ZBTB20: variants seen among roughly 807,000 people sequenced by gnomAD.
The protein encoded by ZBTB20 is zinc finger and BTB domain containing 20.
ZBTB20 carries 9 observed loss-of-function variants against 56.9 expected under a neutral mutation model. The observed-to-expected ratio is 0.16, with a 90% CI of 0.10 to 0.28. ZBTB20 has a LOEUF of 0.28. Ranked by LOEUF, ZBTB20 falls within the 10% of genes least tolerant of loss-of-function variation. ZBTB20 has a pLI of 1.00. For synonymous variants in ZBTB20, 417 were observed against 420.7 expected (o/e 0.99, Z 0.11); for missense variants, 655 against 1,003.0 (o/e 0.65, Z 4.69).
At chr3:114,808,549 T>C (rs2072286573) in intron 4 of ZBTB20, among the ~76,000 whole-genome samples, 1 of 151,972 alleles carries the variant, frequency 6.6e-6, no homozygotes, top group African/African-American at 2.4e-5. Flanking sequence ...ATTTTGGTAA[T>C]CTGTCATCTT....
intron 4 of ZBTB20, among the ~76,000 whole-genome samples, chr3:114,826,624 T>G (rs1269105526): frequency 1.3e-5 from 2 of 151,710 alleles, no homozygotes; most frequent in African/African-American, 4.8e-5. Context: ...TCCCTCCACT[T>G]TTTTTCAGTG....
chr3:114,998,357 G>T (rs768730977), intron 2 of ZBTB20, among the ~76,000 whole-genome samples: 3 of 151,718 alleles, frequency 2.0e-5, no homozygotes, highest in Non-Finnish European at 4.4e-5. Flanking sequence ...CATCACAAAA[G>T]AATTTGTGAC....
At chr3:114,977,462 T>C (rs930540082) in intron 2 of ZBTB20, among the ~76,000 whole-genome samples, 3 of 152,066 alleles carry the variant, frequency 2.0e-5, no homozygotes, top group African/African-American at 7.2e-5. Flanking sequence ...AAGAGTTAAA[T>C]ATAAGTGACA....
chr3:114,790,875 T>C (rs1371864984), intron 5 of ZBTB20, among the ~76,000 whole-genome samples: 1 of 152,008 alleles, frequency 6.6e-6, no homozygotes, highest in Non-Finnish European at 1.5e-5. Flanking sequence ...CACTAGCAAT[T>C]CATTCTTCAT....
chr3:115,014,418 T>C (rs899387972), intron 2 of ZBTB20, among the ~76,000 whole-genome samples: 2 of 151,784 alleles, frequency 1.3e-5, no homozygotes, highest in African/African-American at 2.4e-5. Context: ...AAGTGTACAA[T>C]TGGATTGTTT....
Position 114,533,395 on chromosome 3 carries a change from A to AT in ZBTB20, c.-294-33005dup, listed in dbSNP as rs532569879. 9.7e-3 allele frequency among the ~76,000 whole-genome samples: 1,482 copies of AT among 152,050 alleles called. 21 individuals carry two copies. Among genetic ancestry groups the AT allele is most frequent in the African/African-American group, 0.033 (1,373 of 41,500 alleles). On this transcript the variant is annotated intron_variant, in intron 6 of 11. Coordinates refer to ENST00000675478, the MANE Select transcript of ZBTB20 (RefSeq NM_001348800.3). The stretch of plus-strand genomic sequence containing the variant: ...TCAAGCAGAAGAAAGGATATCAGAG[A>AT]TGAAGATCAACTTAATGAAATAAAG...
intron 4 of ZBTB20, among the ~76,000 whole-genome samples, chr3:114,812,810 C>G (rs1012352131): frequency 3.3e-5 from 5 of 152,230 alleles, no homozygotes; most frequent in African/African-American, 1.2e-4. Flanking sequence ...GAGGCTCAGG[C>G]ATGGCGGGCT....
chr3:114,358,528 T>C (rs2081477333), intron 10 of ZBTB20, among the ~76,000 whole-genome samples: 1 of 152,214 alleles, frequency 6.6e-6, no homozygotes, highest in Non-Finnish European at 1.5e-5. Flanking sequence ...AAAAGTCTTT[T>C]TACTTGGCCT....
chr3:114,890,967 A>C (rs376201241), intron 4 of ZBTB20, among the ~76,000 whole-genome samples: 5 of 151,878 alleles, frequency 3.3e-5, no homozygotes, highest in South Asian at 4.2e-4. Flanking sequence ...CTATTTCCTT[A>C]TGTCCTATGC....
chr3:114,349,509 C>A (rs1378111764), intron 11 of ZBTB20, among the ~76,000 whole-genome samples: 2 of 152,214 alleles, frequency 1.3e-5, no homozygotes, highest in Non-Finnish European at 2.9e-5. Flanking sequence ...CATCCATTCT[C>A]TCCTTGAATG....
At chr3:114,650,894 G>A (rs1015074644) in intron 6 of ZBTB20, among the ~76,000 whole-genome samples, 6 of 151,780 alleles carry the variant, frequency 4.0e-5, no homozygotes, top group Non-Finnish European at 5.9e-5. Flanking sequence ...GTAGAACTTC[G>A]GATGCATCAT....
intron 6 of ZBTB20, among the ~76,000 whole-genome samples, chr3:114,640,557 G>A (rs1222100558): frequency 6.6e-6 from 1 of 152,018 alleles, no homozygotes; most frequent in Non-Finnish European, 1.5e-5. Context: ...GTCTACTCAG[G>A]AGAGTTTCCA....
intron 6 of ZBTB20, among the ~76,000 whole-genome samples, chr3:114,648,967 C>T (rs1026879895): frequency 1.3e-5 from 2 of 151,920 alleles, no homozygotes; most frequent in Non-Finnish European, 2.9e-5. Context: ...AAGAAGTTGA[C>T]CTATACGTTA....
At chr3:114,903,799 T>C (rs1024812033) in intron 3 of ZBTB20, among the ~76,000 whole-genome samples, 1 of 151,992 alleles carries the variant, frequency 6.6e-6, no homozygotes, top group Non-Finnish European at 1.5e-5. Context: ...AGCAATCACA[T>C]GTAGGCACTT....
chr3:114,715,829 G>A (rs1345683146), intron 5 of ZBTB20, among the ~76,000 whole-genome samples: 2 of 152,118 alleles, frequency 1.3e-5, no homozygotes, highest in African/African-American at 4.8e-5. Flanking sequence ...AAGACTCCCA[G>A]GATGTGAAAC....
At chr3:114,614,471 A>C (rs1395899196) in intron 6 of ZBTB20, among the ~76,000 whole-genome samples, 5 of 152,164 alleles carry the variant, frequency 3.3e-5, no homozygotes, top group African/African-American at 1.2e-4. Flanking sequence ...TCCTTTCCTC[A>C]ACGGGGTGAC....
intron 6 of ZBTB20, among the ~76,000 whole-genome samples, chr3:114,596,909 T>C (rs2056360044): frequency 6.6e-6 from 1 of 152,188 alleles, no homozygotes; most frequent in Non-Finnish European, 1.5e-5. Flanking sequence ...CAAACACTTT[T>C]AATCATTTCA....
At chr3:115,111,005 A>AAAATAAATAAAT (rs148918475) in intron 1 of ZBTB20, among the ~76,000 whole-genome samples, 358 of 144,792 alleles carry the variant, frequency 2.5e-3, no homozygotes, top group Non-Finnish European at 3.9e-3. Context: ...AATAAAAATA[A>AAAATAAATAAAT]AAATAAATAA....
intron 7 of ZBTB20, among the ~76,000 whole-genome samples, chr3:114,427,077 A>G (rs2089739627): frequency 6.6e-6 from 1 of 152,218 alleles, no homozygotes; most frequent in Admixed American, 6.5e-5. Flanking sequence ...TGAATTGAGG[A>G]GGAACCATCT....
Sources: gnomAD v4.1 joint callset for allele counts (sites outside exome capture counted in the v4.1 genomes callset) on GRCh38, gnomAD v4.1.1 for gene constraint, MANE v1.5 for transcripts, NCBI Gene and HGNC (gene_info 2026-07-23, HGNC 2026-07-21) for gene names.